AMMECR1: variants seen among roughly 807,000 people sequenced by gnomAD.
AMMECR1 encodes the protein nuclear protein AMMECR1.
A neutral mutation model predicts 22.5 loss-of-function variants in AMMECR1; 3 were observed. The observed-to-expected ratio is 0.13, with a 90% confidence interval of 0.06 to 0.35. The LOEUF is 0.35. AMMECR1 is among the 10% of genes least tolerant of loss of function. AMMECR1 has a pLI of 1.00. For synonymous variants in AMMECR1, 130 were observed against 116.7 expected, an observed-to-expected ratio of 1.11 and a Z score of -0.74; for missense variants, 235 against 278.7, an observed-to-expected ratio of 0.84 and a Z score of 1.12.
intron 2 of AMMECR1, among the ~76,000 whole-genome samples, chrX:110,332,613 C>T: frequency 8.9e-6 from 1 of 111,750 alleles, no homozygotes; most frequent in East Asian, 2.8e-4. Flanking sequence ...TCCTACAAAT[C>T]AAAACACAGA....
At chrX:110,289,443 A>G (rs1168075053) in intron 1 of AMMECR1, among the ~76,000 whole-genome samples, 2 of 112,503 alleles carry the variant, frequency 1.8e-5, no homozygotes, top group African/African-American at 6.5e-5. Flanking sequence ...ACATCAATGT[A>G]TATTAAAATT....
At chrX:110,358,144 A>G (rs1252510189) in intron 2 of AMMECR1, among the ~76,000 whole-genome samples, 1 of 112,137 alleles carries the variant, frequency 8.9e-6, no homozygotes, top group Non-Finnish European at 1.9e-5. Context: ...TGAGGCATTT[A>G]CAGACATATG....
chrX:110,293,369 T>G (rs929330424), intron 1 of AMMECR1, among the ~76,000 whole-genome samples: 45 of 111,865 alleles, frequency 4.0e-4, no homozygotes, highest in African/African-American at 1.1e-3. Context: ...ATCTGGTATA[T>G]TTTCCTTCAT....
chrX:110,357,301 GAAAAGA>G (rs1304792085), intron 2 of AMMECR1, among the ~76,000 whole-genome samples: 1 of 112,137 alleles, frequency 8.9e-6, no homozygotes. Context: ...CATAAAATCA[GAAAAGA>G]AAAAGTAACC....
At chrX:110,203,942 A>G (rs778007569) in intron 3 of AMMECR1, among the ~76,000 whole-genome samples, 2 of 111,805 alleles carry the variant, frequency 1.8e-5, no homozygotes, top group East Asian at 5.6e-4. Context: ...TCTATTTAAT[A>G]TCAGTACTCT....
At chrX:110,218,285 G>T (rs908839640) in intron 2 of AMMECR1, among the ~76,000 whole-genome samples, 19 of 111,106 alleles carry the variant, frequency 1.7e-4, no homozygotes, top group Non-Finnish European at 3.4e-4. Flanking sequence ...CAGTTTTACT[G>T]TTAAAAGAAG....
chrX:110,414,806 C>T (rs1366473382), intron 2 of AMMECR1, among the ~76,000 whole-genome samples: 1 of 112,550 alleles, frequency 8.9e-6, no homozygotes, highest in Non-Finnish European at 1.9e-5. Flanking sequence ...AGAGCTTCCC[C>T]TCAGTCTTCA....
rs185122592 is a variant in AMMECR1, at chrX:110,390,294, G to A, written c.-148+36364C>T. On this transcript the variant is annotated intron_variant, in intron 2 of 7. Transcript: ENST00000372057. ...CTTTTAAACACAAGGGTCAATTCAA[G>A]TTAAAAAATAAAATAAATGTTTACA... Among the ~76,000 whole-genome samples the A allele has an allele frequency of 9.5e-3, 1,059 of 111,545 alleles. 16 individuals are homozygous for A. Among genetic ancestry groups the A allele is most frequent in the African/African-American group, 0.033 (1,004 of 30,736 alleles).
In AMMECR1 at chrX:110,222,901, A is replaced by G. The variant is rs374748004; in HGVS notation, c.585-6269T>C. 1.3e-4 allele frequency among the ~76,000 whole-genome samples: 15 copies of G among 111,674 alleles called. No individual in the cohort carries two copies. In the East Asian group the frequency reaches 2.8e-3, roughly 21 times the overall value. The stretch of plus-strand genomic sequence containing the variant: ...CCTATGAGATTCACTTAGGCTTTAG[A>G]GTGTTATCACTTACTGCCCTCTGAT... On this transcript the variant is annotated intron_variant, in intron 2 of 5. Transcript: ENST00000262844.
At chrX:110,295,900 T>A (rs1194653198) in intron 1 of AMMECR1, among the ~76,000 whole-genome samples, 1 of 111,831 alleles carries the variant, frequency 8.9e-6, no homozygotes, top group Non-Finnish European at 1.9e-5. Context: ...CCATCAACAG[T>A]TTTATAATTA....
At chrX:110,352,371 A>G (rs2068214424) in intron 2 of AMMECR1, among the ~76,000 whole-genome samples, 1 of 112,896 alleles carries the variant, frequency 8.9e-6, no homozygotes, top group Non-Finnish European at 1.9e-5. Flanking sequence ...AATGGAAATG[A>G]ATGGAATACT....
intron 1 of AMMECR1, among the ~76,000 whole-genome samples, chrX:110,283,948 C>A (rs760916245): frequency 9.1e-6 from 1 of 110,405 alleles, no homozygotes; most frequent in Non-Finnish European, 1.9e-5. Context: ...ATGGTGAAAC[C>A]CCATCTCTAC....
intron 1 of AMMECR1, among the ~76,000 whole-genome samples, chrX:110,265,476 A>G (rs891335601): frequency 5.4e-5 from 6 of 112,059 alleles, no homozygotes; most frequent in African/African-American, 1.9e-4. Context: ...ATCAAGAATA[A>G]CGTGGTTTTA....
At chrX:110,275,709 A>C (rs1425281558) in intron 1 of AMMECR1, among the ~76,000 whole-genome samples, 3 of 110,781 alleles carry the variant, frequency 2.7e-5, no homozygotes, top group Non-Finnish European at 5.7e-5. Flanking sequence ...GCATGCCTGT[A>C]ATCTCAGCTA....
intron 2 of AMMECR1, among the ~76,000 whole-genome samples, chrX:110,329,915 G>A (rs185721263): frequency 1.8e-4 from 20 of 111,813 alleles, no homozygotes; most frequent in Admixed American, 1.2e-3. Flanking sequence ...AGCTTTTTAA[G>A]TGTTTTCCGT....
At chrX:110,305,456 T>C (rs949864400) in intron 1 of AMMECR1, 5 of 111,903 alleles carry the variant, frequency 4.5e-5, no homozygotes, top group Admixed American at 2.8e-4. Flanking sequence ...AAAACCCAAA[T>C]TGATGCATTA....
At chrX:110,290,497 AAC>A (rs1332890467) in intron 1 of AMMECR1, among the ~76,000 whole-genome samples, 5 of 112,254 alleles carry the variant, frequency 4.5e-5, no homozygotes, top group African/African-American at 1.6e-4. Context: ...TGTAATAGAA[AAC>A]ACATTTTTTT....
chrX:110,406,937 C>T (rs1404337975), intron 2 of AMMECR1, among the ~76,000 whole-genome samples: 1 of 111,981 alleles, frequency 8.9e-6, no homozygotes, highest in Non-Finnish European at 1.9e-5. Flanking sequence ...TTGTCTTAAT[C>T]TAGTTGCTTG....
chrX:110,415,176 C>T (rs1014462824), intron 2 of AMMECR1, among the ~76,000 whole-genome samples: 24 of 111,958 alleles, frequency 2.1e-4, no homozygotes, highest in African/African-American at 7.8e-4. Flanking sequence ...GCACCAGAGC[C>T]ATGGTTAAAT....
Sources: gnomAD v4.1 joint callset for allele counts (sites outside exome capture counted in the v4.1 genomes callset) on GRCh38, gnomAD v4.1.1 for gene constraint, MANE v1.5 for transcripts, NCBI Gene and HGNC (gene_info 2026-07-23, HGNC 2026-07-21) for gene names.